Variants in MRPS28 observed in about 807,000 individuals in gnomAD.
MRPS28 encodes the protein small ribosomal subunit protein bS1m.
MRPS28 carries 7 observed loss-of-function variants against 10.8 expected under a neutral mutation model. The ratio of observed to expected loss-of-function variants is 0.65; its 90% confidence interval spans 0.37 to 1.22. The LOEUF (loss-of-function observed/expected upper bound fraction) is 1.22. Among genes scored for constraint, MRPS28 ranks in the 50% most tolerant of loss-of-function variants. MRPS28 has a pLI of 0.02. For missense variants in MRPS28, 265 were observed against 232.9 expected, an observed-to-expected ratio of 1.14 and a Z score of -0.90; for synonymous variants, 121 against 93.3, an observed-to-expected ratio of 1.30 and a Z score of -1.71.
chr8:79,981,967 AG>A (rs1302574464), intron 2 of MRPS28, among the ~76,000 whole-genome samples: 1 of 152,198 alleles, frequency 6.6e-6, no homozygotes, highest in Non-Finnish European at 1.5e-5. Flanking sequence ...GGCTCTGGGC[AG>A]GGTGCAGTGG....
intron 1 of MRPS28, among the ~76,000 whole-genome samples, chr8:80,020,790 C>T (rs571365902): frequency 2.2e-4 from 33 of 152,008 alleles, no homozygotes; most frequent in African/African-American, 6.5e-4. Context: ...TTGTGGCCAA[C>T]GAACACACAT....
intron 1 of MRPS28, among the ~76,000 whole-genome samples, chr8:80,011,311 C>T (rs1324031770): frequency 1.3e-5 from 2 of 151,602 alleles, no homozygotes; most frequent in African/African-American, 4.8e-5. Context: ...CAGGTCCTGC[C>T]CACTTTCCCT....
intron 2 of MRPS28, among the ~76,000 whole-genome samples, chr8:80,002,475 C>T (rs987172052): frequency 2.6e-5 from 4 of 152,144 alleles, no homozygotes; most frequent in Admixed American, 2.6e-4. Flanking sequence ...TCAACCTCTC[C>T]TTGACTCTTG....
chr8:79,990,824 C>CA (rs34065249), intron 2 of MRPS28, among the ~76,000 whole-genome samples: 105,686 of 143,910 alleles, frequency 0.73, 38,555 homozygotes, highest in East Asian at 0.83. Context: ...CCCATCTCTA[C>CA]AAAAAAAAAA....
At chr8:79,925,985 G>GAGAAAAGAAAAGA (rs1554568085) in intron 2 of MRPS28, among the ~76,000 whole-genome samples, 1 of 140,090 alleles carries the variant, frequency 7.1e-6, no homozygotes, top group Non-Finnish European at 1.5e-5. Flanking sequence ...AGACCCTGTA[G>GAGAAAAGAAAAGA]AGAAAAGAAA....
intron 2 of MRPS28, among the ~76,000 whole-genome samples, chr8:79,967,987 T>G (rs1336520426): frequency 1.3e-5 from 2 of 152,154 alleles, no homozygotes; most frequent in East Asian, 3.8e-4. Context: ...AAATAATGCA[T>G]GATTAATCCA....
rs1049574472 is a variant in MRPS28, at chr8:80,029,903, A to C, written c.213+133T>G. The C allele has an allele frequency of 2.0e-6, 3 of 1,536,234 alleles. No individual in the cohort carries two copies. The East Asian group carries it at 7.3e-5, about 38-fold the overall frequency. ...GGGGCCGAGGGCTGAGCCACAACGC[A>C]CCGCAACTCCGGAAAACTGGGCCCC... On this transcript the variant is annotated intron_variant, in intron 1 of 2. Transcript: ENST00000276585.
intron 2 of MRPS28, among the ~76,000 whole-genome samples, chr8:79,967,050 G>A (rs1807521721): frequency 6.6e-6 from 1 of 152,058 alleles, no homozygotes; most frequent in Non-Finnish European, 1.5e-5. Flanking sequence ...TCCTATCTAA[G>A]GTCAAACACT....
chr8:79,974,730 T>C (rs1807743611), intron 2 of MRPS28, among the ~76,000 whole-genome samples: 1 of 151,934 alleles, frequency 6.6e-6, no homozygotes, highest in Non-Finnish European at 1.5e-5. Flanking sequence ...TCATAGGAAA[T>C]GATGATAATA....
chr8:80,026,628 C>T (rs572462268), intron 1 of MRPS28, among the ~76,000 whole-genome samples: 11 of 152,308 alleles, frequency 7.2e-5, no homozygotes, highest in Admixed American at 5.9e-4. Context: ...CTCTGACCTC[C>T]TGAAACATTT....
chr8:79,939,676 A>G (rs1302397315), intron 2 of MRPS28, among the ~76,000 whole-genome samples: 1 of 152,172 alleles, frequency 6.6e-6, no homozygotes, highest in Non-Finnish European at 1.5e-5. Flanking sequence ...AATCTTATTA[A>G]GAAATATATG....
intron 2 of MRPS28, among the ~76,000 whole-genome samples, chr8:79,956,256 C>T (rs1042684875): frequency 6.6e-6 from 1 of 151,864 alleles, no homozygotes; most frequent in Non-Finnish European, 1.5e-5. Context: ...ATAAATACTC[C>T]TTTTTGAGTA....
At chr8:79,957,546 CAAAAA>C (rs35772888) in intron 2 of MRPS28, among the ~76,000 whole-genome samples, 4 of 85,000 alleles carry the variant, frequency 4.7e-5, no homozygotes, top group African/African-American at 9.2e-5. Flanking sequence ...CTTGTCTCTA[CAAAAA>C]AAAAAAAAAA....
At chr8:79,924,894 G>T (rs932913718) in intron 2 of MRPS28, among the ~76,000 whole-genome samples, 1 of 152,048 alleles carries the variant, frequency 6.6e-6, no homozygotes, top group Non-Finnish European at 1.5e-5. Flanking sequence ...TCATAAGCAG[G>T]TAACATTACA....
chr8:79,919,484 G>C (rs987255173), intron 2 of MRPS28, among the ~76,000 whole-genome samples: 1 of 152,086 alleles, frequency 6.6e-6, no homozygotes, highest in African/African-American at 2.4e-5. Flanking sequence ...AAGACTACAA[G>C]CATGTACCAC....
intron 2 of MRPS28, among the ~76,000 whole-genome samples, chr8:79,958,716 T>C (rs1807292597): frequency 6.6e-6 from 1 of 152,170 alleles, no homozygotes; most frequent in Non-Finnish European, 1.5e-5. Flanking sequence ...CTAACAAATG[T>C]GATGTGTGCT....
intron 1 of MRPS28, among the ~76,000 whole-genome samples, chr8:80,010,610 A>G (rs1041071562): frequency 1.3e-5 from 2 of 152,232 alleles, no homozygotes; most frequent in Non-Finnish European, 2.9e-5. Context: ...TCCACATATT[A>G]ATGTAAATTT....
intron 2 of MRPS28, among the ~76,000 whole-genome samples, chr8:79,999,850 C>G (rs954878101): frequency 5.3e-5 from 8 of 151,910 alleles, no homozygotes; most frequent in Non-Finnish European, 1.2e-4. Flanking sequence ...ATAGCTGAAG[C>G]CTTGACTCTT....
chr8:80,024,417 C>T (rs1453744649), intron 1 of MRPS28, among the ~76,000 whole-genome samples: 1 of 152,154 alleles, frequency 6.6e-6, no homozygotes, highest in Non-Finnish European at 1.5e-5. Context: ...CATTTAACTT[C>T]GGTTCCCTTT....
Sources: gnomAD v4.1 joint callset for allele counts (sites outside exome capture counted in the v4.1 genomes callset) on GRCh38, gnomAD v4.1.1 for gene constraint, MANE v1.5 for transcripts, NCBI Gene and HGNC (gene_info 2026-07-23, HGNC 2026-07-21) for gene names.